The following STAB2 variants were observed in gnomAD, a reference collection of about 807,000 sequenced individuals.
The protein encoded by STAB2 is stabilin 2, also known as stabilin-2.
In STAB2, 288 loss-of-function variants were observed where a neutral mutation model predicts 338.1. The ratio of observed to expected loss-of-function variants is 0.85; its 90% CI spans 0.77 to 0.94. The LOEUF (loss-of-function observed/expected upper bound fraction) is 0.94. Ranked by LOEUF, STAB2 falls within the 40% of genes least tolerant of loss-of-function variation. The probability of loss-of-function intolerance (pLI) is 0.00; values close to 1 mark genes in which losing one functional copy is unlikely to be tolerated. For synonymous variants in STAB2, 1,202 were observed against 1,193.3 expected, an observed-to-expected ratio of 1.01 and a Z score of -0.15; for missense variants, 3,141 against 3,210.1, an observed-to-expected ratio of 0.98 and a Z score of 0.52.
intron 44 of STAB2, 91 bp from the exon 45 acceptor site, chr12:103,724,884 A>G: frequency 6.4e-7 from 1 of 1,564,468 alleles, no homozygotes; most frequent in East Asian, 2.3e-5. Context: ...CAAAAAATGA[A>G]TTCAAACGCA....
chr12:103,615,483 C>T (rs1241210605), intron 3 of STAB2, among the ~76,000 whole-genome samples: 1 of 152,176 alleles, frequency 6.6e-6, no homozygotes, highest in Non-Finnish European at 1.5e-5. Context: ...CCTGCCCTGG[C>T]ATCTCTACCA....
chr12:103,697,725 G>C (rs1593250004), intron 33 of STAB2, among the ~76,000 whole-genome samples: 3 of 152,200 alleles, frequency 2.0e-5, no homozygotes, highest in Non-Finnish European at 4.4e-5. Flanking sequence ...TTGTTTATTG[G>C]ATATAAAGCT....
At chr12:103,629,757 A>G (rs764513217) in intron 5 of STAB2, among the ~76,000 whole-genome samples, 2 of 152,216 alleles carry the variant, frequency 1.3e-5, no homozygotes, top group Non-Finnish European at 2.9e-5. Context: ...GTCATGTCAT[A>G]GCATTTATCC....
chr12:103,761,315 G>A lies in STAB2; in HGVS notation c.7264G>A (p.Val2422Ile). The A allele has an allele frequency of 6.2e-7, 1 of 1,614,098 alleles. No individual in the cohort carries two copies. The change falls in exon 66 of 69, where the codon GTT (valine) becomes ATT (isoleucine). Residue 2422 changes from valine (V) to isoleucine (I), a missense_variant. Val to Ile is a conservative substitution (Grantham distance 29). Coordinates refer to ENST00000388887, the MANE Select transcript of STAB2 (RefSeq NM_017564.10). The part of the protein sequence containing the change: ...DPLQPTETRF[V>I]DGRAILQWDI... ...ATTTCCCTAGACGGAGACCAGGTTT[G>A]TTGATGGAAGAGCCATTCTGCAGTG...
At chr12:103,644,636 A>G (rs918198713) in intron 9 of STAB2, among the ~76,000 whole-genome samples, 9 of 152,214 alleles carry the variant, frequency 5.9e-5, no homozygotes, top group Admixed American at 2.0e-4. Context: ...TATAAGGTCC[A>G]TGTCTTACTC....
chr12:103,705,594 C>T (rs1198757977), intron 36 of STAB2, 38 bp from the exon 37 acceptor site: 3 of 1,600,880 alleles, frequency 1.9e-6, no homozygotes, highest in Non-Finnish European at 1.7e-6. Context: ...AAACTTTTTC[C>T]TAACTTAGGA....
intron 9 of STAB2, among the ~76,000 whole-genome samples, chr12:103,643,342 A>G (rs1384675955): frequency 6.6e-6 from 1 of 152,166 alleles, no homozygotes; most frequent in East Asian, 1.9e-4. Flanking sequence ...CTGTTCTTCA[A>G]ACATGCCATG....
At position 103,595,987 on chromosome 12, in the gene STAB2, G is replaced by A. The variant is rs117892746; in HGVS notation, c.331+1477G>A. Among the ~76,000 whole-genome samples, 566 of 152,302 alleles carry A rather than the reference G, an allele frequency of 3.7e-3. 2 individuals are homozygous for A. The highest frequency in any genetic ancestry group is 6.0e-3 in the Non-Finnish European group (411 of 68,030). Reference sequence around the variant, plus strand: ...GGTTTGGGGTTCAAGAGATCCTGCCGCTTCTGTCTACTAGCTGCTCTATGC... The same window carrying A: ...GGTTTGGGGTTCAAGAGATCCTGCCACTTCTGTCTACTAGCTGCTCTATGC... On this transcript the variant is annotated intron_variant, in intron 3 of 68. Transcript: ENST00000388887.
intron 5 of STAB2, among the ~76,000 whole-genome samples, chr12:103,623,351 A>G (rs558609732): frequency 1.5e-4 from 23 of 152,292 alleles, no homozygotes; most frequent in African/African-American, 5.1e-4. Flanking sequence ...CTTACATGGC[A>G]AAGAGAAGTT....
chr12:103,708,463 A>G lies in STAB2; in HGVS notation c.4215A>G (p.Arg1405=), dbSNP rs753894810. Reference sequence around the variant, plus strand: ...TAGCATGTTCTTGTGTCCATGGGAGATGCAACCAAGGACCCTTGGGAGATG... The same window carrying G: ...TAGCATGTTCTTGTGTCCATGGGAGGTGCAACCAAGGACCCTTGGGAGATG... ...CDQACSCVHG[R]CNQGPLGDGS... is the part of the protein sequence containing the mutation. Residue 1405 remains arginine, a synonymous_variant, in exon 39 of 69, where the codon AGA becomes AGG. Transcript: ENST00000388887. 6.8e-6 allele frequency: 11 copies of G among 1,614,126 alleles called. No homozygotes were observed. The highest frequency in any genetic ancestry group is 8.5e-6 in the Non-Finnish European group (10 of 1,179,978).
In STAB2 at chr12:103,746,584, CCTTT is replaced by C. The variant is rs780452128; in HGVS notation, c.6137-8_6137-5del. On this transcript the variant is annotated splice_polypyrimidine_tract_variant and intron_variant, in intron 57 of 68. Transcript: ENST00000388887. ...CCATGGGTACAGAATGAAAGTGGCC[CCTTT>C]CTTTGCAGTTTTGCCTGCAGTGTGT... 8.7e-6 allele frequency: 14 copies of C among 1,613,166 alleles called. No individual in the cohort carries two copies. In the African/African-American group the frequency reaches 1.5e-4, roughly 17 times the overall value.
chr12:103,715,191 G>A (rs2139018110), intron 42 of STAB2, among the ~76,000 whole-genome samples: 1 of 152,314 alleles, frequency 6.6e-6, no homozygotes, highest in African/African-American at 2.4e-5. Flanking sequence ...AGGCCCAAAT[G>A]TCACACAAGT....
At chr12:103,589,643 G>C (rs1030331316) in intron 1 of STAB2, among the ~76,000 whole-genome samples, 1 of 152,222 alleles carries the variant, frequency 6.6e-6, no homozygotes, top group African/African-American at 2.4e-5. Flanking sequence ...CCAGCCACAG[G>C]AAGAGTAGAA....
rs1254564994 is a variant in STAB2, at chr12:103,668,721, A to G, written c.2164A>G (p.Thr722Ala). The part of the protein sequence containing the change: ...KSGCARYCNA[T>A]VKIPKCCKGF... Reference sequence around the variant, plus strand: ...CGGCTGTGCCCGGTACTGCAATGCCACTGTGAAGGTGAGGAGCGCGTGGCC... The same window carrying G: ...CGGCTGTGCCCGGTACTGCAATGCCGCTGTGAAGGTGAGGAGCGCGTGGCC... Residue 722 changes from threonine to alanine, a missense_variant, in exon 20 of 69, where the codon ACT becomes GCT. Transcript: ENST00000388887. The G allele has an allele frequency of 8.4e-6, 13 of 1,546,014 alleles. No individual in the cohort carries two copies. The highest frequency in any genetic ancestry group is 1.1e-5 in the Non-Finnish European group (13 of 1,143,148).
intron 51 of STAB2, among the ~76,000 whole-genome samples, chr12:103,733,506 C>G (rs1321204068): frequency 6.6e-6 from 1 of 152,106 alleles, no homozygotes; most frequent in Non-Finnish European, 1.5e-5. Flanking sequence ...CTGCTGAAAA[C>G]AGTTCTCAAG....
chr12:103,698,556 C>T (rs1308865241), intron 33 of STAB2, among the ~76,000 whole-genome samples: 1 of 152,110 alleles, frequency 6.6e-6, no homozygotes, highest in East Asian at 1.9e-4. Flanking sequence ...CAGCAAACAC[C>T]CACATTCTTG....
At chr12:103,762,054 C>T (rs1205161325) in intron 66 of STAB2, among the ~76,000 whole-genome samples, 1 of 152,178 alleles carries the variant, frequency 6.6e-6, no homozygotes, top group South Asian at 2.1e-4. Context: ...CCAGTTCTCC[C>T]ACAATAATAA....
At chr12:103,612,181 A>C (rs10861054) in intron 3 of STAB2, among the ~76,000 whole-genome samples, 48,263 of 151,334 alleles carry the variant, frequency 0.32, 9,696 homozygotes, top group African/African-American at 0.58. Flanking sequence ...GCTCTTCTTG[A>C]GGAGTATCTT....
rs770270471 is a variant in STAB2 at position 103,755,340 on chromosome 12, C to T, written c.6753C>T (p.Thr2251=). The T allele has an allele frequency of 3.3e-5, 54 of 1,613,992 alleles. No homozygotes were observed. The South Asian group carries it at 3.7e-4, about 11-fold the overall frequency. ...TGTGCTCAGCAGGCTGGCTGGAGAC[C>T]GGGCGGGTTGCCTACCCCACAGCCT... ...YHLCSAGWLE[T]GRVAYPTAFA... The change falls in exon 62 of 69, where the codon ACC becomes ACT. Residue 2251 remains threonine (T), a synonymous_variant. Coordinates refer to ENST00000388887, the MANE Select transcript of STAB2 (RefSeq NM_017564.10).
Sources: gnomAD v4.1 joint callset for allele counts (sites outside exome capture counted in the v4.1 genomes callset) on GRCh38, gnomAD v4.1.1 for gene constraint, MANE v1.5 for transcripts, NCBI Gene and HGNC (gene_info 2026-07-23, HGNC 2026-07-21) for gene names.